The following CLEC2A variants were observed in gnomAD, a reference collection of about 807,000 sequenced individuals.
CLEC2A encodes the protein keratinocyte-associated C-type lectin.
CLEC2A carries 19 observed loss-of-function variants against 18.6 expected under a neutral mutation model. The ratio of observed to expected loss-of-function variants is 1.02; its 90% CI spans 0.71 to 1.50. The LOEUF is 1.50. Ranked by LOEUF, CLEC2A falls within the 40% of genes most tolerant of loss-of-function variation. CLEC2A has a pLI of 0.00. For synonymous variants in CLEC2A, 74 were observed against 64.0 expected (o/e 1.16, Z -0.75); for missense variants, 190 against 207.9 (o/e 0.91, Z 0.53).
At chr12:9,892,632 T>G in the CLEC2A span, among the ~76,000 whole-genome samples, 1 of 144,108 alleles carries the variant, frequency 6.9e-6, no homozygotes, top group Non-Finnish European at 1.5e-5. Flanking sequence ...TTGCCCAGGC[T>G]GGAGTGTAAT....
At chr12:9,915,806 C>A (rs190314036) in intron 4 of CLEC2A, among the ~76,000 whole-genome samples, 1 of 152,302 alleles carries the variant, frequency 6.6e-6, no homozygotes, top group Non-Finnish European at 1.5e-5. Flanking sequence ...CACCATGGCA[C>A]ACACATACCT....
intron 1 of CLEC2A, among the ~76,000 whole-genome samples, chr12:9,928,476 AGAAAGAAAGAAAGAAGAAG>A (rs1345954821): frequency 6.7e-6 from 1 of 150,298 alleles, no homozygotes; most frequent in Admixed American, 6.6e-5. Context: ...AAAAAGAAAA[AGAAAGAAAGAAAGAAGAAG>A]GAAAGAAAGA....
intron 2 of CLEC2A, 139 bp from the exon 3 acceptor site, chr12:9,922,371 G>A: frequency 1.8e-6 from 1 of 569,334 alleles, no homozygotes; most frequent in Non-Finnish European, 2.9e-6. Context: ...GAATGAGGAT[G>A]AATTAACTTC....
chr12:9,914,136 T>C (rs536218771), intron 4 of CLEC2A, among the ~76,000 whole-genome samples: 135 of 152,338 alleles, frequency 8.9e-4, no homozygotes, highest in African/African-American at 3.2e-3. Context: ...AAATAAGATT[T>C]ATATTTACTT....
At chr12:9,899,666 C>T (rs1862799395) in intron 4 of CLEC2A, among the ~76,000 whole-genome samples, 1 of 152,162 alleles carries the variant, frequency 6.6e-6, no homozygotes, top group Non-Finnish European at 1.5e-5. Flanking sequence ...GCAGGGGAGG[C>T]TAGAGAATAG....
At chr12:9,917,180 T>G (rs2137038479) in intron 3 of CLEC2A, among the ~76,000 whole-genome samples, 1 of 152,356 alleles carries the variant, frequency 6.6e-6, no homozygotes, top group South Asian at 2.1e-4. Flanking sequence ...TATTGGCTTT[T>G]TGCTATTAAG....
chr12:9,893,266 T>A, the CLEC2A span: 1 of 1,147,890 alleles, frequency 8.7e-7, no homozygotes, highest in Non-Finnish European at 1.2e-6. Flanking sequence ...TCGTTGCTTC[T>A]GAACATGTGT....
intron 4 of CLEC2A, among the ~76,000 whole-genome samples, chr12:9,915,882 T>G (rs906001094): frequency 1.3e-5 from 2 of 152,166 alleles, no homozygotes; most frequent in East Asian, 3.8e-4. Flanking sequence ...AATATATTTT[T>G]TAATTAATTT....
At chr12:9,920,497 G>A (rs1424514731) in intron 3 of CLEC2A, among the ~76,000 whole-genome samples, 1 of 152,198 alleles carries the variant, frequency 6.6e-6, no homozygotes, top group Non-Finnish European at 1.5e-5. Context: ...CCTGGGCGAG[G>A]GGAGTTCCCC....
chr12:9,928,238 G>A (rs1410462360), intron 1 of CLEC2A, among the ~76,000 whole-genome samples: 1 of 152,116 alleles, frequency 6.6e-6, no homozygotes, highest in Admixed American at 6.6e-5. Flanking sequence ...GGCCAAGGAG[G>A]GTGGATCACC....
downstream of CLEC2A, among the ~76,000 whole-genome samples, chr12:9,910,938 C>T (rs1286634412): frequency 6.6e-6 from 1 of 152,168 alleles, no homozygotes; most frequent in African/African-American, 2.4e-5. Flanking sequence ...CTCTGTGCTG[C>T]AAAGAAGAAC....
chr12:9,892,947 C>T, the CLEC2A span: 69 of 1,197,724 alleles, frequency 5.8e-5, no homozygotes, highest in Non-Finnish European at 7.8e-5. Flanking sequence ...TCCAAGTAGT[C>T]ACATTTGATA....
the CLEC2A span, among the ~76,000 whole-genome samples, chr12:9,886,839 G>T: frequency 6.6e-6 from 1 of 150,974 alleles, no homozygotes; most frequent in Non-Finnish European, 1.5e-5. Flanking sequence ...TAGAGCTCCT[G>T]ATTTATGGAC....
intron 2 of CLEC2A, among the ~76,000 whole-genome samples, chr12:9,925,164 G>T (rs138567682): frequency 6.6e-6 from 1 of 152,190 alleles, no homozygotes; most frequent in Non-Finnish European, 1.5e-5. Context: ...TGCATGTCAC[G>T]TCAAACTTAT....
downstream of CLEC2A, among the ~76,000 whole-genome samples, chr12:9,911,873 T>A (rs1862992196): frequency 1.3e-5 from 2 of 152,108 alleles, no homozygotes; most frequent in Non-Finnish European, 2.9e-5. Context: ...GCAGGGCTGC[T>A]AAACAAAGCC....
At chr12:9,886,557 G>A in the CLEC2A span, among the ~76,000 whole-genome samples, 2 of 152,106 alleles carry the variant, frequency 1.3e-5, no homozygotes, top group Non-Finnish European at 2.9e-5. Flanking sequence ...AGAGAGGAGA[G>A]TCAGAGGGTA....
the CLEC2A span, among the ~76,000 whole-genome samples, chr12:9,892,422 T>G: frequency 9.4e-3 from 1,435 of 152,282 alleles, 17 homozygotes; most frequent in African/African-American, 0.033. Flanking sequence ...TTTTACTTTT[T>G]CAGTTGGTAA....
chr12:9,913,642 C>G lies in CLEC2A; in HGVS notation c.449G>C (p.Ser150Thr), dbSNP rs867813462. ...IIGNGSFAFLSADGVHSSRGF... is the reference protein window; with the variant it reads ...IIGNGSFAFLTADGVHSSRGF... ...TCTGGAACTATGGACTCCATCAGCACTCAAGAAAGCAAAGGATCCGTTCCC... is the reference window on the plus strand; with the variant it reads ...TCTGGAACTATGGACTCCATCAGCAGTCAAGAAAGCAAAGGATCCGTTCCC... The change falls in exon 5 of 5, where the codon AGT (serine) becomes ACT (threonine). Residue 150 changes from serine to threonine, a missense_variant. Physicochemically the swap from Ser to Thr is moderately conservative, Grantham distance 58. Transcript: ENST00000455827. 2.3e-5 allele frequency: 36 copies of G among 1,549,598 alleles called. No individual in the cohort carries two copies. Among genetic ancestry groups the G allele is most frequent in the Non-Finnish European group, 2.8e-5 (32 of 1,146,794 alleles).
the CLEC2A span, among the ~76,000 whole-genome samples, chr12:9,889,549 T>C: frequency 6.6e-6 from 1 of 152,056 alleles, no homozygotes; most frequent in Non-Finnish European, 1.5e-5. Flanking sequence ...TTTTCCTGGG[T>C]TTTCATCCTG....
Sources: gnomAD v4.1 joint callset for allele counts (sites outside exome capture counted in the v4.1 genomes callset) on GRCh38, gnomAD v4.1.1 for gene constraint, MANE v1.5 for transcripts, NCBI Gene and HGNC (gene_info 2026-07-23, HGNC 2026-07-21) for gene names.